The following LNPEP variants were observed in gnomAD, a reference collection of about 807,000 sequenced individuals.
The protein encoded by LNPEP is leucyl and cystinyl aminopeptidase, also known as leucyl-cystinyl aminopeptidase.
A neutral mutation model predicts 120.6 loss-of-function variants in LNPEP; 64 were observed. That is an observed-to-expected ratio of 0.53 (90% confidence interval 0.43 to 0.65). The LOEUF is 0.65. Ranked by LOEUF, LNPEP falls within the 30% of genes least tolerant of loss-of-function variation. The pLI is 0.00. For missense variants in LNPEP, 1,057 were observed against 1,200.0 expected (o/e 0.88, Z 1.76); for synonymous variants, 435 against 425.4 (o/e 1.02, Z -0.28).
chr5:96,946,288 C>T (rs1789184630), intron 1 of LNPEP, among the ~76,000 whole-genome samples: 1 of 152,184 alleles, frequency 6.6e-6, no homozygotes, highest in Admixed American at 6.5e-5. Context: ...GCCTCACTTC[C>T]ATCTGCATCA....
chr5:96,966,189 G>A (rs150990291), intron 1 of LNPEP, among the ~76,000 whole-genome samples: 158 of 152,086 alleles, frequency 1.0e-3, no homozygotes, highest in East Asian at 7.9e-3. Flanking sequence ...TAAATATAAC[G>A]CAGTAGAGAA....
Position 97,034,474 on chromosome 5 carries a change from A to G in LNPEP, c.*5941A>G, listed in dbSNP as rs1389344660. The stretch of plus-strand genomic sequence containing the variant: ...GTTTGTCTTTTTTTTAATGTATATA[A>G]AAGTTTGCTAGTTGTTGTTATTGTT... On this transcript the variant is annotated 3_prime_UTR_variant, in exon 18 of 18. Transcript: ENST00000231368. The G allele has an allele frequency of 6.6e-6, 1 of 151,512 alleles. No individual in the cohort carries two copies. Among genetic ancestry groups the G allele is most frequent in the Non-Finnish European group, 1.5e-5 (1 of 67,916 alleles). 9.4% of individuals were successfully genotyped at this position (151,512 alleles called of 1,614,324 possible). A position where few individuals can be genotyped will look rare whatever the true frequency, so the allele number is the denominator to read the frequency against.
At chr5:97,022,215 C>T (rs1243765196) in intron 13 of LNPEP, 85 bp from the exon 14 acceptor site, 1 of 833,128 alleles carries the variant, frequency 1.2e-6, no homozygotes, top group East Asian at 2.6e-5. Context: ...AGGCACGAGA[C>T]ACTGCACCTG....
chr5:96,993,419 A>G (rs1038128245), intron 5 of LNPEP, among the ~76,000 whole-genome samples: 2 of 152,218 alleles, frequency 1.3e-5, no homozygotes, highest in African/African-American at 2.4e-5. Context: ...CTAACTTCCA[A>G]GAAATACCCT....
At chr5:97,027,846 G>A in intron 17 of LNPEP, 32 bp downstream of exon 17, 1 of 1,339,382 alleles carries the variant, frequency 7.5e-7, no homozygotes, top group Non-Finnish European at 1.1e-6. Flanking sequence ...TACAGAGACT[G>A]GGCAACCCTC....
At chr5:97,025,672 A>G (rs1352505349) in intron 15 of LNPEP, among the ~76,000 whole-genome samples, 3 of 152,246 alleles carry the variant, frequency 2.0e-5, no homozygotes, top group African/African-American at 7.2e-5. Flanking sequence ...ATGTACGTAC[A>G]TACATACACA....
At chr5:96,999,773 G>A (rs1235799879) in intron 8 of LNPEP, among the ~76,000 whole-genome samples, 2 of 151,724 alleles carry the variant, frequency 1.3e-5, no homozygotes, top group East Asian at 3.9e-4. Context: ...TGTCAACATG[G>A]TAACTACTTG....
At chr5:97,012,236 TA>T (rs1279763648) in intron 11 of LNPEP, among the ~76,000 whole-genome samples, 1 of 152,018 alleles carries the variant, frequency 6.6e-6, no homozygotes, top group East Asian at 1.9e-4. Flanking sequence ...AAGGATAAAA[TA>T]AATGCATATA....
chr5:96,951,261 TTG>T (rs1789312484), intron 1 of LNPEP, among the ~76,000 whole-genome samples: 2 of 121,882 alleles, frequency 1.6e-5, no homozygotes, highest in African/African-American at 5.5e-5. Flanking sequence ...TTTTCTTTTT[TTG>T]GCGGGGGGCG....
chr5:96,948,931 C>G (rs1436165253), intron 1 of LNPEP, among the ~76,000 whole-genome samples: 4 of 152,166 alleles, frequency 2.6e-5, no homozygotes, highest in Non-Finnish European at 5.9e-5. Context: ...TTCACTAGCT[C>G]TCTGATTCTT....
intron 4 of LNPEP, among the ~76,000 whole-genome samples, chr5:96,991,452 A>G (rs1466522727): frequency 2.0e-5 from 3 of 152,228 alleles, no homozygotes; most frequent in East Asian, 3.9e-4. Context: ...TTTTCACCAC[A>G]TCTACGCTAA....
chr5:96,990,523 G>A (rs1000353992), intron 4 of LNPEP, among the ~76,000 whole-genome samples: 1 of 152,184 alleles, frequency 6.6e-6, no homozygotes, highest in African/African-American at 2.4e-5. Context: ...TCCGATGGGA[G>A]TCTATTTGTA....
intron 1 of LNPEP, among the ~76,000 whole-genome samples, chr5:96,947,779 AC>A (rs1789222253): frequency 6.6e-6 from 1 of 152,206 alleles, no homozygotes; most frequent in Non-Finnish European, 1.5e-5. Context: ...AAAACTAAAT[AC>A]AGAAATATTA....
At chr5:96,962,018 A>G (rs1414135703) in intron 1 of LNPEP, among the ~76,000 whole-genome samples, 2 of 152,204 alleles carry the variant, frequency 1.3e-5, no homozygotes, top group Non-Finnish European at 1.5e-5. Flanking sequence ...CCTGGCTGAG[A>G]GAGTTGTAGA....
At chr5:97,003,578 A>T in intron 9 of LNPEP, 32 bp downstream of exon 9, 1 of 1,479,796 alleles carries the variant, frequency 6.8e-7, no homozygotes, top group South Asian at 1.3e-5. Context: ...TTTAGCTCTT[A>T]CTGTAAAAAG....
chr5:96,997,991 C>T, intron 7 of LNPEP, 23 bp from the exon 8 acceptor site: 3 of 1,495,988 alleles, frequency 2.0e-6, no homozygotes, highest in Non-Finnish European at 2.7e-6. Flanking sequence ...TTGTGATATT[C>T]TAATCTTTTC....
chr5:96,954,631 T>C lies in LNPEP; in HGVS notation c.19+18457T>C, dbSNP rs936134445. The stretch of plus-strand genomic sequence containing the variant: ...CTCTCTCTCTCTCTATATATATATA[T>C]ACATATATACATATATACATATATA... On this transcript the variant is annotated intron_variant, in intron 1 of 17. Coordinates refer to ENST00000231368, the MANE Select transcript of LNPEP (RefSeq NM_005575.3). Among the ~76,000 whole-genome samples the C allele has an allele frequency of 2.7e-4, 18 of 66,064 alleles. 2 individuals are homozygous for C. Among genetic ancestry groups the C allele is most frequent in the Admixed American group, 1.1e-3 (8 of 7,142 alleles). 43.3% of individuals were successfully genotyped at this position (66,064 alleles called of 152,430 possible).
rs776084384 is a variant in LNPEP at position 96,979,923 on chromosome 5, A to G, written c.805A>G (p.Ser269Gly). 22 of 1,612,380 alleles carry G rather than the reference A, an allele frequency of 1.4e-5. No individual in the cohort carries two copies. Among genetic ancestry groups the G allele is most frequent in the South Asian group, 2.2e-5 (2 of 91,006 alleles). ...GATAGAGTACTCGGCAAATATATCT[A>G]GTTCTTATTATGGGTTTTATGGCTT... ...LKIEYSANIS[S>G]SYYGFYGFSY... Residue 269 changes from serine (S) to glycine (G), a missense_variant, in exon 2 of 18, where the codon AGT becomes GGT. Ser to Gly is a moderately conservative substitution (Grantham distance 56). Transcript: ENST00000231368.
At chr5:96,968,230 C>G (rs904182608) in intron 1 of LNPEP, among the ~76,000 whole-genome samples, 4 of 151,932 alleles carry the variant, frequency 2.6e-5, no homozygotes, top group African/African-American at 9.7e-5. Flanking sequence ...GTTTTGATCT[C>G]CTCCTGTAGC....
Sources: gnomAD v4.1 joint callset for allele counts (sites outside exome capture counted in the v4.1 genomes callset) on GRCh38, gnomAD v4.1.1 for gene constraint, MANE v1.5 for transcripts, NCBI Gene and HGNC (gene_info 2026-07-23, HGNC 2026-07-21) for gene names.